Variants in HEATR5A observed in about 807,000 individuals in gnomAD.
The protein encoded by HEATR5A is HEAT repeat containing 5A, also known as HEAT repeat-containing protein 5A.
In HEATR5A, 178 loss-of-function variants were observed where a neutral mutation model predicts 218.8. The observed-to-expected ratio is 0.81, with a 90% CI of 0.72 to 0.92. HEATR5A has a LOEUF of 0.92. Ranked by LOEUF, HEATR5A falls within the 40% of genes least tolerant of loss-of-function variation. The pLI, the probability that HEATR5A is intolerant of heterozygous loss-of-function variation, is 0.00. For synonymous variants in HEATR5A, 864 were observed against 871.6 expected, an observed-to-expected ratio of 0.99 and a Z score of 0.15; for missense variants, 2,420 against 2,418.9, an observed-to-expected ratio of 1.00 and a Z score of -0.01.
chr14:31,308,600 T>C (rs1168866549), intron 29 of HEATR5A, among the ~76,000 whole-genome samples: 3 of 151,874 alleles, frequency 2.0e-5, no homozygotes, highest in South Asian at 2.1e-4. Flanking sequence ...ACAATAAAAT[T>C]GCACCGGAAA....
rs1436642605 is a variant in HEATR5A, at chr14:31,326,229, A to T, written c.3481T>A (p.Ser1161Thr). ...AGGGAGAGTTTTTCCACTGCCATAG[A>T]TGTAAGCATATAATTTAAAGTCTCT... ...IKETLNYMLT[S>T]MAVEKLSLWL... is the part of the protein sequence containing the mutation. Residue 1161 changes from serine to threonine, a missense_variant, in exon 23 of 36, where the codon TCT becomes ACT. Physicochemically the swap from Ser to Thr is moderately conservative, Grantham distance 58. Transcript: ENST00000543095. The T allele has an allele frequency of 1.9e-6, 3 of 1,613,102 alleles. No individual in the cohort carries two copies. The African/African-American group carries it at 4.0e-5, about 22-fold the overall frequency.
rs1902165820 is a variant in HEATR5A at position 31,374,726 on chromosome 14, G to A, written c.1861+90C>T. ...CATTAGTGGCATATCCCCCTGCCTC[G>A]TGTTAAATAAAACATACAAGTACAT... is the stretch of plus-strand genomic sequence containing the variant. On this transcript the variant is annotated intron_variant, in intron 12 of 35. Transcript: ENST00000543095. The A allele has an allele frequency of 1.6e-5, 19 of 1,208,984 alleles. No individual in the cohort carries two copies. In the South Asian group the frequency reaches 2.2e-4, roughly 14 times the overall value. The allele number at this position is 1,208,984 out of a possible 1,614,324, so 74.9% of individuals were successfully genotyped here. A position where few individuals can be genotyped will look rare whatever the true frequency, so the allele number is the denominator to read the frequency against.
At chr14:31,399,003 A>C (rs1360629593) in intron 3 of HEATR5A, among the ~76,000 whole-genome samples, 16 of 151,722 alleles carry the variant, frequency 1.1e-4, no homozygotes, top group Non-Finnish European at 2.4e-4. Flanking sequence ...AACACTGCCA[A>C]AGCCAAGGTC....
rs546631274 is a variant in HEATR5A at position 31,396,135 on chromosome 14, T to C, written c.448-787A>G. 1.9e-3 allele frequency among the ~76,000 whole-genome samples: 294 copies of C among 152,232 alleles called. 1 individual carries two copies. The highest frequency in any genetic ancestry group is 5.6e-3 in the South Asian group (27 of 4,820). On this transcript the variant is annotated intron_variant, in intron 4 of 35. Transcript: ENST00000543095. ...ACTTTGGGAGGCCAAGGTGGGCCGATTGCTTGAGCTCAGGACTTCGAGACC... is the reference window on the plus strand; with the variant it reads ...ACTTTGGGAGGCCAAGGTGGGCCGACTGCTTGAGCTCAGGACTTCGAGACC...
At chr14:31,304,837 A>G in intron 32 of HEATR5A, 68 bp downstream of exon 32, 1 of 1,495,852 alleles carries the variant, frequency 6.7e-7, no homozygotes, top group Non-Finnish European at 9.1e-7. Context: ...ATTAGCAACT[A>G]GACTCCATTA....
intron 1 of HEATR5A, among the ~76,000 whole-genome samples, chr14:31,408,688 TC>T (rs755212616): frequency 7.9e-5 from 12 of 151,906 alleles, no homozygotes; most frequent in Non-Finnish European, 1.2e-4. Flanking sequence ...TAGTATTCTT[TC>T]CTTTCGATTG....
chr14:31,308,943 G>A lies in HEATR5A; in HGVS notation c.4681C>T (p.Leu1561Phe), dbSNP rs1408654563. The A allele has an allele frequency of 6.2e-7, 1 of 1,610,664 alleles. No homozygotes were observed. ...PEDVYTDRFH[L>F]ILGISVEFLC... ...AAGTGGTTTAACTGACCTAAAATAA[G>A]ATGGAATCTATCAGTGTAGACATCC... The change falls in exon 29 of 36, where the codon CTT becomes TTT. Residue 1561 changes from leucine (L) to phenylalanine (F), a missense_variant. Coordinates refer to ENST00000543095, the MANE Select transcript of HEATR5A (RefSeq NM_015473.4).
intron 13 of HEATR5A, among the ~76,000 whole-genome samples, chr14:31,369,602 C>T (rs61996780): frequency 0.019 from 1,254 of 66,196 alleles, 12 homozygotes; most frequent in Middle Eastern, 0.089. Context: ...CAGAGCAAAA[C>T]TGTCTCAAAA....
At position 31,358,784 on chromosome 14, in the gene HEATR5A, C is replaced by G. The variant is rs752475590; in HGVS notation, c.2264G>C (p.Gly755Ala). ...QLLLGNGVAC[G>A]SLEYDPYSIY... The stretch of plus-strand genomic sequence containing the variant: ...CGAATAAGGGTCATATTCAAGACTT[C>G]CGCAAGCAACACCATTACCAAGCAG... The change falls in exon 16 of 36, where the codon GGA (glycine) becomes GCA (alanine). Residue 755 changes from glycine to alanine, a missense_variant. Physicochemically the swap from Gly to Ala is moderately conservative, Grantham distance 60 (BLOSUM62 0). Transcript: ENST00000543095. The G allele has an allele frequency of 6.2e-7, 1 of 1,613,770 alleles. No individual in the cohort carries two copies. The highest frequency in any genetic ancestry group is 1.1e-5 in the South Asian group (1 of 91,044).
chr14:31,396,435 C>A (rs1033306411), intron 4 of HEATR5A, among the ~76,000 whole-genome samples: 2 of 151,600 alleles, frequency 1.3e-5, no homozygotes, highest in Non-Finnish European at 2.9e-5. Flanking sequence ...CAGAGCCAGA[C>A]CCTGTCTTTA....
intron 13 of HEATR5A, among the ~76,000 whole-genome samples, chr14:31,366,170 A>T (rs74043941): frequency 0.036 from 5,504 of 152,170 alleles, 280 homozygotes; most frequent in African/African-American, 0.11. Flanking sequence ...GCACTTTGGG[A>T]GGCTGAGGCC....
chr14:31,325,829 G>A, intron 23 of HEATR5A: 2 of 245,716 alleles, frequency 8.1e-6, no homozygotes, highest in South Asian at 1.1e-4. Context: ...AATATTTGTT[G>A]TATGTATGAA....
At chr14:31,356,809 GTAAAATCACTTTTTT>G (rs1333583416) in intron 16 of HEATR5A, among the ~76,000 whole-genome samples, 2 of 152,094 alleles carry the variant, frequency 1.3e-5, no homozygotes, top group African/African-American at 4.8e-5. Context: ...CTCTAGAATA[GTAAAATCACTTTTTT>G]AAGAGGAAAG....
chr14:31,378,439 T>C (rs1297117350), intron 11 of HEATR5A, among the ~76,000 whole-genome samples: 1 of 152,242 alleles, frequency 6.6e-6, no homozygotes, highest in Admixed American at 6.5e-5. Flanking sequence ...TAGGCCAAAT[T>C]TGGCTCCTTG....
chr14:31,336,217 C>CATATATATAT (rs3033610), intron 22 of HEATR5A, among the ~76,000 whole-genome samples: 13 of 38,182 alleles, frequency 3.4e-4, no homozygotes, highest in Non-Finnish European at 6.9e-4. Flanking sequence ...TACATACATA[C>CATATATATAT]ATATATATAT....
chr14:31,335,094 TGGTTA>T (rs1900609939), intron 22 of HEATR5A, among the ~76,000 whole-genome samples: 1 of 152,124 alleles, frequency 6.6e-6, no homozygotes, highest in Admixed American at 6.5e-5. Flanking sequence ...GCTCAGATGA[TGGTTA>T]GCATCTTTTA....
chr14:31,412,067 G>T (rs571048033), intron 1 of HEATR5A, among the ~76,000 whole-genome samples: 73 of 152,058 alleles, frequency 4.8e-4, no homozygotes, highest in African/African-American at 1.7e-3. Context: ...TGTTGACCAG[G>T]CTGGTCTCGA....
intron 14 of HEATR5A, among the ~76,000 whole-genome samples, chr14:31,362,415 AAGT>A (rs1022665715): frequency 6.6e-6 from 1 of 151,900 alleles, no homozygotes; most frequent in African/African-American, 2.4e-5. Context: ...AAAAAAAAAA[AAGT>A]AGAAGACTTC....
intron 1 of HEATR5A, among the ~76,000 whole-genome samples, chr14:31,403,344 T>C (rs534490415): frequency 1.3e-5 from 2 of 152,308 alleles, no homozygotes; most frequent in African/African-American, 4.8e-5. Context: ...GATTAGGCTG[T>C]TTATTCTGTG....
Sources: allele counts gnomAD v4.1 joint callset (sites outside exome capture counted in the v4.1 genomes callset), GRCh38; gene constraint gnomAD v4.1.1; transcripts MANE v1.5; gene names NCBI Gene and HGNC (gene_info 2026-07-23, HGNC 2026-07-21).